Variants in TCEANC2 observed in about 807,000 individuals in gnomAD.
TCEANC2 encodes transcription elongation factor A N-terminal and central domain containing 2.
A neutral mutation model predicts 22.8 loss-of-function variants in TCEANC2; 20 were observed. The observed-to-expected ratio is 0.88, with a 90% CI of 0.62 to 1.28. TCEANC2 has a LOEUF of 1.28. Among genes scored for constraint, TCEANC2 ranks in the 50% most tolerant of loss-of-function variants. The pLI is 0.00. For synonymous variants in TCEANC2, 84 were observed against 95.5 expected, an observed-to-expected ratio of 0.88 and a Z score of 0.70; for missense variants, 251 against 249.7, an observed-to-expected ratio of 1.01 and a Z score of -0.03.
At chr1:54,108,401 G>A (rs768400694), downstream of TCEANC2, among the ~76,000 whole-genome samples, 4 of 152,206 alleles carry the variant, frequency 2.6e-5, no homozygotes, top group Non-Finnish European at 4.4e-5. Context: ...AAGGTAACAT[G>A]AGATCATATG....
intron 2 of TCEANC2, among the ~76,000 whole-genome samples, chr1:54,054,781 GTTA>G (rs1409448915): frequency 6.6e-6 from 1 of 152,128 alleles, no homozygotes; most frequent in Non-Finnish European, 1.5e-5. Context: ...CCCCTTCGTT[GTTA>G]TTCTTTTGCA....
At chr1:54,079,986 A>G (rs1465948333) in intron 3 of TCEANC2, among the ~76,000 whole-genome samples, 2 of 152,132 alleles carry the variant, frequency 1.3e-5, no homozygotes, top group East Asian at 1.9e-4. Flanking sequence ...CAGCGCATCC[A>G]GCCCTTGTTG....
chr1:54,056,986 G>A (rs1378014089), intron 2 of TCEANC2, among the ~76,000 whole-genome samples: 2 of 151,538 alleles, frequency 1.3e-5, no homozygotes, highest in Middle Eastern at 3.4e-3. Flanking sequence ...AGGTTGCAGT[G>A]AGCCAGGATG....
Position 54,098,494 on chromosome 1 carries a change from T to C in TCEANC2, c.*2021T>C, listed in dbSNP as rs1398793692. ...AAATACAATAGCACTCCCTCCCAAC[T>C]ATTCTTTAATGCTGTACCTAGCTTT... On this transcript the variant is annotated 3_prime_UTR_variant, in exon 5 of 5. Coordinates refer to ENST00000234827, the MANE Select transcript of TCEANC2 (RefSeq NM_153035.3). 1 of 152,246 alleles carries C rather than the reference T, an allele frequency of 6.6e-6. No individual in the cohort carries two copies. The highest frequency in any genetic ancestry group is 2.1e-4 in the South Asian group (1 of 4,828). 9.4% of individuals were successfully genotyped at this position (152,246 alleles called of 1,614,324 possible).
chr1:54,063,014 G>A (rs1167148148), intron 2 of TCEANC2, among the ~76,000 whole-genome samples: 3 of 152,202 alleles, frequency 2.0e-5, no homozygotes, highest in Non-Finnish European at 4.4e-5. Flanking sequence ...AAGCAAGAAA[G>A]GGAAATCCTT....
chr1:54,064,072 A>G (rs1460079014), intron 2 of TCEANC2, among the ~76,000 whole-genome samples: 1 of 152,244 alleles, frequency 6.6e-6, no homozygotes, highest in Non-Finnish European at 1.5e-5. Flanking sequence ...TTCATATTCT[A>G]GAATGCAGAG....
intron 2 of TCEANC2, among the ~76,000 whole-genome samples, chr1:54,059,024 C>T (rs1657803272): frequency 6.6e-6 from 1 of 152,166 alleles, no homozygotes; most frequent in South Asian, 2.1e-4. Flanking sequence ...ATGCTTGTCC[C>T]TTTTCCTTGA....
chr1:54,067,385 A>C (rs1385453742), intron 2 of TCEANC2, among the ~76,000 whole-genome samples: 2 of 152,244 alleles, frequency 1.3e-5, no homozygotes, highest in Admixed American at 6.5e-5. Context: ...TGGCAGAAGG[A>C]GACAGTGCCC....
downstream of TCEANC2, among the ~76,000 whole-genome samples, chr1:54,107,167 C>T (rs1658771929): frequency 6.6e-6 from 1 of 152,216 alleles, no homozygotes; most frequent in Admixed American, 6.5e-5. Flanking sequence ...GACAGTTTCT[C>T]AGGCTTCCCT....
intron 3 of TCEANC2, among the ~76,000 whole-genome samples, chr1:54,085,585 G>T (rs1330925347): frequency 6.6e-6 from 1 of 151,910 alleles, no homozygotes; most frequent in Admixed American, 6.6e-5. Flanking sequence ...TAGATATGAG[G>T]CTAGTTGTGC....
rs1657691927 is a variant in TCEANC2 at position 54,054,182 on chromosome 1, G to A, written c.-42-199G>A. On this transcript the variant is annotated intron_variant, in intron 1 of 4. Transcript: ENST00000234827. The stretch of plus-strand genomic sequence containing the variant: ...GGAAGCTAGGAACCTCCTAACTCAG[G>A]ACGTAGACTGATGATTGATTACAGT... 2.9e-6 allele frequency: 4 copies of A among 1,363,890 alleles called. No individual in the cohort carries two copies. In the Admixed American group the frequency reaches 9.0e-5, roughly 31 times the overall value. 84.5% of individuals were successfully genotyped at this position (1,363,890 alleles called of 1,614,324 possible).
chr1:54,071,899 C>A (rs1487461247), intron 3 of TCEANC2, among the ~76,000 whole-genome samples: 1 of 151,926 alleles, frequency 6.6e-6, no homozygotes. Context: ...GCAGCCTTGA[C>A]CTCCCGGGCT....
chr1:54,057,118 C>G (rs1029375617), intron 2 of TCEANC2, among the ~76,000 whole-genome samples: 3 of 151,758 alleles, frequency 2.0e-5, no homozygotes, highest in African/African-American at 7.3e-5. Context: ...TTCCAAACCT[C>G]TTCCTTGTTC....
intron 4 of TCEANC2, among the ~76,000 whole-genome samples, chr1:54,092,629 T>C (rs1001291754): frequency 6.6e-6 from 1 of 152,220 alleles, no homozygotes; most frequent in Non-Finnish European, 1.5e-5. Context: ...GGATACAACA[T>C]GGTTTCAACT....
chr1:54,055,034 G>A (rs1191936925), intron 2 of TCEANC2, among the ~76,000 whole-genome samples: 1 of 152,154 alleles, frequency 6.6e-6, no homozygotes, highest in Non-Finnish European at 1.5e-5. Flanking sequence ...CTGCAGTACA[G>A]TGGCACGATC....
intron 3 of TCEANC2, among the ~76,000 whole-genome samples, chr1:54,080,498 C>A (rs1658219757): frequency 6.6e-6 from 1 of 152,200 alleles, no homozygotes; most frequent in Non-Finnish European, 1.5e-5. Context: ...TGTTCCCTGA[C>A]CCCTTTACCA....
chr1:54,103,355 GA>G lies in TCEANC2; in HGVS notation c.*6884del. On this transcript the variant is annotated 3_prime_UTR_variant, in exon 5 of 5. Coordinates refer to ENST00000234827, the MANE Select transcript of TCEANC2 (RefSeq NM_153035.3). The stretch of plus-strand genomic sequence containing the variant: ...CCTCAGGAAACTTACAATCATGGCA[GA>G]AGGCAAGGGGAAGCAGGCATCTTCT... The G allele has an allele frequency of 6.5e-6, 1 of 152,934 alleles. No individual in the cohort carries two copies. Among genetic ancestry groups the G allele is most frequent in the Non-Finnish European group, 1.5e-5 (1 of 68,434 alleles). The allele number at this position is 152,934 out of a possible 1,614,324, so 9.5% of individuals were successfully genotyped here.
At position 54,102,019 on chromosome 1, in the gene TCEANC2, T is replaced by C. The variant is rs975093821; in HGVS notation, c.*5546T>C. The C allele has an allele frequency of 1.3e-5, 2 of 152,204 alleles. No individual in the cohort carries two copies. Among genetic ancestry groups the C allele is most frequent in the Non-Finnish European group, 1.5e-5 (1 of 68,044 alleles). The allele number at this position is 152,204 out of a possible 1,614,324, so 9.4% of individuals were successfully genotyped here. A position where few individuals can be genotyped will look rare whatever the true frequency, so the allele number is the denominator to read the frequency against. Reference sequence around the variant, plus strand: ...TCTGGGATGTGGCAGGGACATTCTCTTGAAAGTAAAAGACAATTATTGCAT... The same window carrying C: ...TCTGGGATGTGGCAGGGACATTCTCCTGAAAGTAAAAGACAATTATTGCAT... On this transcript the variant is annotated 3_prime_UTR_variant, in exon 5 of 5. Transcript: ENST00000234827.
chr1:54,058,918 G>A (rs955762059), intron 2 of TCEANC2, among the ~76,000 whole-genome samples: 2 of 152,194 alleles, frequency 1.3e-5, no homozygotes, highest in South Asian at 2.1e-4. Context: ...GCCTCCCAAA[G>A]TGCTAGGATT....
Sources: gnomAD v4.1 joint callset for allele counts (sites outside exome capture counted in the v4.1 genomes callset) on GRCh38, gnomAD v4.1.1 for gene constraint, MANE v1.5 for transcripts, NCBI Gene and HGNC (gene_info 2026-07-23, HGNC 2026-07-21) for gene names.